The following THADA variants were observed in gnomAD, a reference collection of about 807,000 sequenced individuals.
THADA encodes tRNA (32-2'-O)-methyltransferase regulator THADA.
Under a neutral mutation model 219.8 loss-of-function variants are expected in THADA, and 213 were observed. The observed-to-expected ratio is 0.97, with a 90% confidence interval of 0.87 to 1.09. The LOEUF (loss-of-function observed/expected upper bound fraction) is 1.09. Among genes scored for constraint, THADA ranks in the 50% least tolerant of loss-of-function variants. THADA has a pLI of 0.00. For missense variants in THADA, 2,956 were observed against 2,311.3 expected, an observed-to-expected ratio of 1.28 and a Z score of -5.72; for synonymous variants, 1,018 against 828.9, an observed-to-expected ratio of 1.23 and a Z score of -3.92.
intron 31 of THADA, among the ~76,000 whole-genome samples, chr2:43,313,227 A>G (rs1246292765): frequency 1.3e-5 from 2 of 152,198 alleles, no homozygotes; most frequent in Admixed American, 6.5e-5. Context: ...TATGTTACCT[A>G]ACTTCCATTA....
In THADA at chr2:43,291,666, G is replaced by A. The variant is rs1194739182; in HGVS notation, c.5010+30C>T. ...AGTAAATGAGAACAAAAAATCCTAG[G>A]TCCCGGAACAAGATCAGAACCAGCC... On this transcript the variant is annotated intron_variant, in intron 34 of 37. Coordinates refer to ENST00000405975, the MANE Select transcript of THADA (RefSeq NM_022065.5). The A allele has an allele frequency of 2.0e-6, 3 of 1,501,274 alleles. No individual in the cohort carries two copies. The Admixed American group carries it at 7.1e-5, about 36-fold the overall frequency. The allele number at this position is 1,501,274 out of a possible 1,614,324, so 93.0% of individuals were successfully genotyped here. A position where few individuals can be genotyped will look rare whatever the true frequency, so the allele number is the denominator to read the frequency against.
At position 43,575,064 on chromosome 2, in the gene THADA, T is replaced by G. The variant is rs754103523; in HGVS notation, c.1038-37A>C. 65 of 1,415,934 alleles carry G rather than the reference T, an allele frequency of 4.6e-5. No homozygotes were observed. In the South Asian group the frequency reaches 9.6e-4, roughly 21 times the overall value. 87.7% of individuals were successfully genotyped at this position (1,415,934 alleles called of 1,614,324 possible). ...TGAGCCATGAGCCATTATTGTAAAC[T>G]GATTAGTAAAAGAAATTTCATTTTA... On this transcript the variant is annotated intron_variant, in intron 10 of 37. Coordinates refer to ENST00000405975, the MANE Select transcript of THADA (RefSeq NM_022065.5).
chr2:43,455,622 G>T (rs1020893827), intron 26 of THADA, among the ~76,000 whole-genome samples: 4 of 152,086 alleles, frequency 2.6e-5, no homozygotes, highest in African/African-American at 9.7e-5. Flanking sequence ...TAAAACAAGG[G>T]TTAGAGAGCA....
intron 28 of THADA, among the ~76,000 whole-genome samples, chr2:43,410,489 G>A (rs1395716799): frequency 3.9e-5 from 6 of 152,144 alleles, no homozygotes; most frequent in Admixed American, 6.6e-5. Flanking sequence ...CATAAATGTC[G>A]TTCAACAGCT....
intron 18 of THADA, 71 bp from the exon 19 acceptor site, chr2:43,551,996 A>C: frequency 6.3e-7 from 1 of 1,577,580 alleles, no homozygotes; most frequent in Non-Finnish European, 8.6e-7. Flanking sequence ...AATTAGATAA[A>C]AGGATTGACT....
At chr2:43,318,817 CA>C (rs1472087287) in intron 31 of THADA, among the ~76,000 whole-genome samples, 1 of 152,046 alleles carries the variant, frequency 6.6e-6, no homozygotes, top group East Asian at 1.9e-4. Flanking sequence ...ATGGATGGTT[CA>C]AAAAAGCTAA....
At chr2:43,515,359 A>AATATATAATATATAATATATAATATTTT (rs1558893173) in intron 22 of THADA, among the ~76,000 whole-genome samples, 9 of 43,536 alleles carry the variant, frequency 2.1e-4, no homozygotes, top group African/African-American at 8.2e-4. Context: ...TTTTATATAT[A>AATATATAATATATAATATATAATATTTT]ATATATAATA....
intron 22 of THADA, among the ~76,000 whole-genome samples, chr2:43,517,410 T>C (rs1691856561): frequency 6.6e-6 from 1 of 152,150 alleles, no homozygotes; most frequent in African/African-American, 2.4e-5. Flanking sequence ...AGGTAATTTG[T>C]ATAACCTCAA....
chr2:43,315,169 G>C (rs1337405248), intron 31 of THADA, among the ~76,000 whole-genome samples: 1 of 151,992 alleles, frequency 6.6e-6, no homozygotes, highest in Non-Finnish European at 1.5e-5. Flanking sequence ...ATTTCCTTTG[G>C]AATAATCAAT....
In THADA at chr2:43,440,805, G is replaced by A. The variant is rs796751150; in HGVS notation, c.3837-10503C>T. 2.0e-5 allele frequency among the ~76,000 whole-genome samples: 3 copies of A among 152,162 alleles called. No individual in the cohort carries two copies. The East Asian group carries it at 5.8e-4, about 29-fold the overall frequency. On this transcript the variant is annotated intron_variant, in intron 26 of 37. Coordinates refer to ENST00000405975, the MANE Select transcript of THADA (RefSeq NM_022065.5). ...ATTCTATCACTATGATCTAGAAACTGCCTAATAGATAACTGGCTCTGCTGA... is the reference window on the plus strand; with the variant it reads ...ATTCTATCACTATGATCTAGAAACTACCTAATAGATAACTGGCTCTGCTGA...
At chr2:43,578,411 T>C (rs1700079460) in intron 9 of THADA, 102 bp downstream of exon 9, 2 of 759,832 alleles carry the variant, frequency 2.6e-6, no homozygotes, top group Admixed American at 5.4e-5. Flanking sequence ...CCTCCCAAAG[T>C]GTTGGGATTA....
intron 31 of THADA, among the ~76,000 whole-genome samples, chr2:43,318,556 A>C (rs1213216323): frequency 6.6e-6 from 1 of 152,172 alleles, no homozygotes; most frequent in Non-Finnish European, 1.5e-5. Context: ...CCACATCTCA[A>C]GCGCTCAAGA....
At chr2:43,510,557 C>A (rs879494244) in intron 22 of THADA, among the ~76,000 whole-genome samples, 1 of 151,508 alleles carries the variant, frequency 6.6e-6, no homozygotes, top group Non-Finnish European at 1.5e-5. Flanking sequence ...TGATATAATC[C>A]TCACACAGTT....
rs937853608 is a variant in THADA, at chr2:43,353,876, G to C, written c.4228-9639C>G. Among the ~76,000 whole-genome samples the C allele has an allele frequency of 3.3e-5, 5 of 151,394 alleles. No individual in the cohort carries two copies. In the South Asian group the frequency reaches 6.3e-4, roughly 19 times the overall value. On this transcript the variant is annotated intron_variant, in intron 29 of 37. Coordinates refer to ENST00000405975, the MANE Select transcript of THADA (RefSeq NM_022065.5). ...TCTGTTGCCCAGGCTGGAGTGCAGT[G>C]GTGCGTTCTTGGCTCACTGCAAGCT... is the stretch of plus-strand genomic sequence containing the variant.
chr2:43,346,271 T>C (rs1213436597), intron 29 of THADA, among the ~76,000 whole-genome samples: 1 of 152,124 alleles, frequency 6.6e-6, no homozygotes, highest in Non-Finnish European at 1.5e-5. Flanking sequence ...AAAATAAAAA[T>C]ATTTGAATAC....
At chr2:43,413,923 G>A (rs1035675920) in intron 28 of THADA, among the ~76,000 whole-genome samples, 10 of 152,194 alleles carry the variant, frequency 6.6e-5, no homozygotes, top group African/African-American at 2.4e-4. Context: ...TCTAGGACCC[G>A]TGAGATGCTC....
intron 31 of THADA, among the ~76,000 whole-genome samples, chr2:43,299,194 A>C (rs77321528): frequency 4.0e-5 from 6 of 150,314 alleles, no homozygotes; most frequent in Admixed American, 2.0e-4. Context: ...AAAAAAAAAA[A>C]CCCAAACCTG....
At chr2:43,390,552 A>G (rs917462686) in intron 29 of THADA, among the ~76,000 whole-genome samples, 1 of 152,138 alleles carries the variant, frequency 6.6e-6, no homozygotes, top group Non-Finnish European at 1.5e-5. Context: ...TCTCCTATCT[A>G]TTCCTGATTC....
chr2:43,264,263 A>T (rs1671275028), intron 36 of THADA, among the ~76,000 whole-genome samples: 1 of 151,650 alleles, frequency 6.6e-6, no homozygotes, highest in African/African-American at 2.4e-5. Context: ...ACTTGCTGAT[A>T]GAAGTAGCTT....
Sources: gnomAD v4.1 joint callset for allele counts (sites outside exome capture counted in the v4.1 genomes callset) on GRCh38, gnomAD v4.1.1 for gene constraint, MANE v1.5 for transcripts, NCBI Gene and HGNC (gene_info 2026-07-23, HGNC 2026-07-21) for gene names.